Variants in EGFR observed in about 807,000 individuals in gnomAD.
The protein encoded by EGFR is epidermal growth factor receptor.
A neutral mutation model predicts 143.0 loss-of-function variants in EGFR; 58 were observed. That is an observed-to-expected ratio of 0.41 (90% confidence interval 0.33 to 0.50). The LOEUF (loss-of-function observed/expected upper bound fraction) is 0.50, where lower values mean the gene tolerates loss of function less well. Among genes scored for constraint, EGFR ranks in the 20% least tolerant of loss-of-function variants. The pLI, the probability that EGFR is intolerant of heterozygous loss-of-function variation, is 0.39. For synonymous variants in EGFR, 613 were observed against 594.4 expected (o/e 1.03, Z -0.45); for missense variants, 1,307 against 1,579.0 (o/e 0.83, Z 2.92).
At chr7:55,124,509 G>A (rs372942904) in intron 1 of EGFR, among the ~76,000 whole-genome samples, 1 of 152,298 alleles carries the variant, frequency 6.6e-6, no homozygotes, top group Middle Eastern at 3.4e-3. Context: ...AGGGCTTTAT[G>A]CTAAGAGTTG....
chr7:55,135,532 G>A (rs938193801), intron 1 of EGFR, among the ~76,000 whole-genome samples: 9 of 151,992 alleles, frequency 5.9e-5, no homozygotes, highest in African/African-American at 2.2e-4. Flanking sequence ...AGGAACAACT[G>A]AGGAAAAAAC....
rs372772241 is a variant in EGFR, at chr7:55,174,760, C to A, written c.2223C>A (p.Pro741=). Residue 741 remains proline (P), a synonymous_variant, in exon 19 of 28, where the codon CCC becomes CCA. Transcript: ENST00000275493. ...WIPEGEKVKI[P]VAIKELREAT... is the part of the protein sequence containing the mutation. ...CAGAAGGTGAGAAAGTTAAAATTCC[C>A]GTCGCTATCAAGGAATTAAGAGAAG... 3 of 1,613,846 alleles carry A rather than the reference C, an allele frequency of 1.9e-6. No homozygotes were observed. The African/African-American group carries it at 4.0e-5, about 22-fold the overall frequency.
intron 1 of EGFR, among the ~76,000 whole-genome samples, chr7:55,093,154 C>T (rs1209336175): frequency 6.6e-6 from 1 of 152,202 alleles, no homozygotes; most frequent in Non-Finnish European, 1.5e-5. Context: ...AAAATATGAG[C>T]TCAGGGGTCC....
rs1230715733 is a variant in EGFR at position 55,205,441 on chromosome 7, A to T, written c.3457A>T (p.Ser1153Cys). 1 of 1,614,186 alleles carries T rather than the reference A, an allele frequency of 6.2e-7. No individual in the cohort carries two copies. Among genetic ancestry groups the T allele is most frequent in the Non-Finnish European group, 8.5e-7 (1 of 1,180,036 alleles). ...QPTCVNSTFD[S>C]PAHWAQKGSH... ...CACCTGTGTCAACAGCACATTCGAC[A>T]GCCCTGCCCACTGGGCCCAGAAAGG... Residue 1153 changes from serine (S) to cysteine (C), a missense_variant, in exon 28 of 28, where the codon AGC (serine) becomes TGC (cysteine). Coordinates refer to ENST00000275493, the MANE Select transcript of EGFR (RefSeq NM_005228.5).
In EGFR at chr7:55,165,564, T is replaced by C. The variant is rs937562897; in HGVS notation, c.1880+127T>C. On this transcript the variant is annotated intron_variant, in intron 15 of 27. Transcript: ENST00000275493. ...TTTGAGTCAGTTACTTAAGGTGTTT[T>C]GGTCCCCACAGCCATGCCAGTAGCA... 12 of 1,329,492 alleles carry C rather than the reference T, an allele frequency of 9.0e-6. No homozygotes were observed. The African/African-American group carries it at 1.0e-4, about 11-fold the overall frequency. The allele number at this position is 1,329,492 out of a possible 1,614,324, so 82.4% of individuals were successfully genotyped here.
rs946861883 is a variant in EGFR at position 55,171,083 on chromosome 7, T to C, written c.1881-92T>C. ...TTAATTATTTAAGAGTAGTTTAGCA[T>C]ATATTGCTTTATGATTTAATTAAAA... On this transcript the variant is annotated intron_variant, in intron 15 of 27. Transcript: ENST00000275493. 8.9e-6 allele frequency: 14 copies of C among 1,579,408 alleles called. No individual in the cohort carries two copies. The African/African-American group carries it at 1.2e-4, about 14-fold the overall frequency.
intron 1 of EGFR, among the ~76,000 whole-genome samples, chr7:55,037,076 G>A (rs1787627212): frequency 6.6e-6 from 1 of 152,204 alleles, no homozygotes; most frequent in Non-Finnish European, 1.5e-5. Context: ...AGCTCACCGA[G>A]CATTCTGAGC....
intron 20 of EGFR, among the ~76,000 whole-genome samples, chr7:55,184,662 G>A (rs1229998866): frequency 6.6e-6 from 1 of 152,118 alleles, no homozygotes; most frequent in Non-Finnish European, 1.5e-5. Flanking sequence ...TCTTGTGTTT[G>A]TTGTACTTTG....
At chr7:55,153,621 A>G (rs1473155579) in intron 6 of EGFR, among the ~76,000 whole-genome samples, 1 of 152,212 alleles carries the variant, frequency 6.6e-6, no homozygotes, top group East Asian at 1.9e-4. Context: ...CCATTCAGCA[A>G]TACATTATAA....
intron 14 of EGFR, among the ~76,000 whole-genome samples, 194 bp downstream of exon 14, chr7:55,164,017 T>C (rs374737140): frequency 6.6e-6 from 1 of 152,364 alleles, no homozygotes; most frequent in East Asian, 1.9e-4. Context: ...TAGCCTGCGA[T>C]GAACATTCAC....
intron 17 of EGFR, 98 bp downstream of exon 17, chr7:55,173,222 T>C (rs973380683): frequency 1.3e-6 from 2 of 1,508,056 alleles, no homozygotes. Context: ...GTATGTTAGA[T>C]ACATAATTGT....
chr7:55,066,900 G>A (rs780030199), intron 1 of EGFR, among the ~76,000 whole-genome samples: 1 of 152,192 alleles, frequency 6.6e-6, no homozygotes, highest in Non-Finnish European at 1.5e-5. Context: ...ATTCCAAAAC[G>A]TAAAAGTAAA....
At chr7:55,125,985 A>T (rs1793501421) in intron 1 of EGFR, among the ~76,000 whole-genome samples, 1 of 152,206 alleles carries the variant, frequency 6.6e-6, no homozygotes, top group African/African-American at 2.4e-5. Context: ...CATCTCTGCT[A>T]GGCTCTGTTC....
At chr7:55,025,329 C>T (rs1296962124) in intron 1 of EGFR, among the ~76,000 whole-genome samples, 1 of 152,088 alleles carries the variant, frequency 6.6e-6, no homozygotes, top group African/African-American at 2.4e-5. Context: ...GACTCCGGGG[C>T]TGATCAGGAG....
chr7:55,120,975 C>G (rs1468375180), intron 1 of EGFR, among the ~76,000 whole-genome samples: 2 of 152,142 alleles, frequency 1.3e-5, no homozygotes, highest in Non-Finnish European at 2.9e-5. Flanking sequence ...CAAGTTGGGA[C>G]TTTGCTGGGC....
At chr7:55,027,988 AAAAATATATATATAT>A (rs1288445781) in intron 1 of EGFR, among the ~76,000 whole-genome samples, 9 of 87,848 alleles carry the variant, frequency 1.0e-4, no homozygotes, top group Admixed American at 1.3e-4. Context: ...AAAAAAAAAA[AAAAATATATATATAT>A]ATATATATAT....
rs757872612 is a variant in EGFR, at chr7:55,143,526, T to G, written c.424+38T>G. On this transcript the variant is annotated intron_variant, in intron 3 of 27. Transcript: ENST00000275493. ...GATGCCAAGGCTGGGGGTTCATAAATGCAGACAGCAGTTCCGATGGCTCCC... is the reference window on the plus strand; with the variant it reads ...GATGCCAAGGCTGGGGGTTCATAAAGGCAGACAGCAGTTCCGATGGCTCCC... 6.2e-6 allele frequency: 10 copies of G among 1,611,420 alleles called. No individual in the cohort carries two copies. In the South Asian group the frequency reaches 7.7e-5, roughly 12 times the overall value.
chr7:55,171,065 T>C, intron 15 of EGFR, 110 bp from the exon 16 acceptor site: 1 of 1,547,054 alleles, frequency 6.5e-7, no homozygotes, highest in Non-Finnish European at 8.7e-7. Context: ...ATTTTAATTA[T>C]TTAAGAGTAG....
intron 20 of EGFR, chr7:55,181,797 G>A (rs17337212): frequency 0.011 from 4,416 of 418,590 alleles, 126 homozygotes; most frequent in African/African-American, 0.067. Flanking sequence ...ATTTGTAGTG[G>A]AGAAGGAATA....
Sources: allele counts gnomAD v4.1 joint callset (sites outside exome capture counted in the v4.1 genomes callset), GRCh38; gene constraint gnomAD v4.1.1; transcripts MANE v1.5; gene names NCBI Gene and HGNC (gene_info 2026-07-23, HGNC 2026-07-21).